BTRC: variants seen among roughly 807,000 people sequenced by gnomAD.
The protein encoded by BTRC is F-box/WD repeat-containing protein 1A.
A neutral mutation model predicts 85.5 loss-of-function variants in BTRC; 42 were observed. The observed-to-expected ratio is 0.49, with a 90% confidence interval of 0.38 to 0.64. The LOEUF (loss-of-function observed/expected upper bound fraction) is 0.64. Ranked by LOEUF, BTRC falls within the 30% of genes least tolerant of loss-of-function variation. The pLI is 0.00. For missense variants in BTRC, 594 were observed against 743.5 expected (o/e 0.80, Z 2.34); for synonymous variants, 255 against 263.3 (o/e 0.97, Z 0.30).
At chr10:101,455,840 T>C (rs1449269235) in intron 2 of BTRC, among the ~76,000 whole-genome samples, 1 of 152,156 alleles carries the variant, frequency 6.6e-6, no homozygotes, top group African/African-American at 2.4e-5. Flanking sequence ...AAGTAACCTT[T>C]TTAGAATGAT....
At chr10:101,377,904 G>A (rs1189446472) in intron 1 of BTRC, among the ~76,000 whole-genome samples, 2 of 151,706 alleles carry the variant, frequency 1.3e-5, no homozygotes, top group Non-Finnish European at 1.5e-5. Flanking sequence ...CCTTTGGTGT[G>A]TAGAACACTT....
In BTRC at chr10:101,536,623, A is replaced by G. The variant is rs756802578; in HGVS notation, c.1547A>G (p.Asn516Ser). The G allele has an allele frequency of 1.2e-6, 2 of 1,613,694 alleles. No individual in the cohort carries two copies. The highest frequency in any genetic ancestry group is 1.7e-6 in the Non-Finnish European group (2 of 1,179,620). Reference sequence around the variant, plus strand: ...TTGGTGCGTTGTATTCGATTTGATAACAAGAGGATAGTCAGTGGGGCCTAT... The same window carrying G: ...TTGGTGCGTTGTATTCGATTTGATAGCAAGAGGATAGTCAGTGGGGCCTAT... ...EELVRCIRFD[N>S]KRIVSGAYDG... Residue 516 changes from asparagine (N) to serine (S), a missense_variant, in exon 12 of 15, where the codon AAC (asparagine) becomes AGC (serine). Physicochemically the swap from Asn to Ser is conservative, Grantham distance 46. This residue lies in a region of BTRC where 373 missense variants were observed against 503.6 expected (regional missense o/e 0.74). Transcript: ENST00000370187.
chr10:101,422,702 C>A (rs1395241248), intron 1 of BTRC, among the ~76,000 whole-genome samples: 3 of 152,114 alleles, frequency 2.0e-5, no homozygotes, highest in African/African-American at 7.2e-5. Context: ...GCCAGTTTTC[C>A]CAGCACCATT....
chr10:101,380,972 G>A (rs914138252), intron 1 of BTRC, among the ~76,000 whole-genome samples: 1 of 152,086 alleles, frequency 6.6e-6, no homozygotes, highest in African/African-American at 2.4e-5. Flanking sequence ...TAACACAATG[G>A]TATTTGTATA....
Position 101,468,499 on chromosome 10 carries a change from C to T in BTRC, c.234+6441C>T, listed in dbSNP as rs1156250843. On this transcript the variant is annotated intron_variant, in intron 3 of 14. Coordinates refer to ENST00000370187, the MANE Select transcript of BTRC (RefSeq NM_033637.4). The stretch of plus-strand genomic sequence containing the variant: ...CGGAATGATAGCAGATGCAGCTTTG[C>T]ATCTATTGAACAAGATTCAGTAGCA... Among the ~76,000 whole-genome samples, 28 of 152,084 alleles carry T rather than the reference C, an allele frequency of 1.8e-4. 1 individual carries two copies. The highest frequency in any genetic ancestry group is 1.5e-5 in the Non-Finnish European group (1 of 68,018).
intron 2 of BTRC, among the ~76,000 whole-genome samples, chr10:101,437,257 T>A (rs1944556027): frequency 6.6e-6 from 1 of 152,192 alleles, no homozygotes; most frequent in African/African-American, 2.4e-5. Flanking sequence ...GTTCTCCTAA[T>A]AAAATGAATT....
intron 2 of BTRC, among the ~76,000 whole-genome samples, chr10:101,430,686 C>T (rs1262163568): frequency 6.6e-6 from 1 of 152,194 alleles, no homozygotes; most frequent in Non-Finnish European, 1.5e-5. Context: ...CATAGTACAG[C>T]TTGACTGTTG....
chr10:101,537,741 C>A (rs1225267746), intron 12 of BTRC, among the ~76,000 whole-genome samples: 1 of 152,192 alleles, frequency 6.6e-6, no homozygotes, highest in African/African-American at 2.4e-5. Flanking sequence ...ATCACTGTTA[C>A]AACCTTGGGA....
chr10:101,490,512 T>G (rs1946103277), intron 4 of BTRC, among the ~76,000 whole-genome samples: 1 of 152,204 alleles, frequency 6.6e-6, no homozygotes, highest in South Asian at 2.1e-4. Context: ...AGAGTCAAGT[T>G]TTGAACTAAG....
At chr10:101,476,789 A>G (rs909962717) in intron 3 of BTRC, among the ~76,000 whole-genome samples, 1 of 152,150 alleles carries the variant, frequency 6.6e-6, no homozygotes, top group African/African-American at 2.4e-5. Flanking sequence ...TTATCTCAAA[A>G]TGTTAAAAAA....
intron 3 of BTRC, among the ~76,000 whole-genome samples, chr10:101,462,904 G>C (rs1945266745): frequency 6.6e-6 from 1 of 151,622 alleles, no homozygotes; most frequent in Non-Finnish European, 1.5e-5. Flanking sequence ...GCCTCACTCT[G>C]TCGCCCAGGC....
intron 4 of BTRC, among the ~76,000 whole-genome samples, chr10:101,494,830 C>T (rs1451468662): frequency 1.3e-5 from 2 of 152,160 alleles, no homozygotes; most frequent in Non-Finnish European, 2.9e-5. Context: ...CAGAGGATTA[C>T]AGCATCACAT....
At chr10:101,476,571 A>G (rs967520709) in intron 3 of BTRC, among the ~76,000 whole-genome samples, 1 of 151,870 alleles carries the variant, frequency 6.6e-6, no homozygotes. Context: ...TCCAGGGCTC[A>G]GTCAGTCCTC....
chr10:101,522,208 T>C (rs1217607881), intron 5 of BTRC, among the ~76,000 whole-genome samples: 1 of 146,728 alleles, frequency 6.8e-6, no homozygotes, highest in East Asian at 2.0e-4. Flanking sequence ...ACTGGGCTAA[T>C]TTTTTGTATT....
rs376377684 is a variant in BTRC, at chr10:101,356,199, A to C, written c.48+1971A>C. On this transcript the variant is annotated intron_variant, in intron 1 of 14. Coordinates refer to ENST00000370187, the MANE Select transcript of BTRC (RefSeq NM_033637.4). The stretch of plus-strand genomic sequence containing the variant: ...TTATTTTTAGTAGAGTCGGGGTTTC[A>C]CTATGTTGGCCAGGATGGTCTCATC... Among the ~76,000 whole-genome samples the C allele has an allele frequency of 5.3e-5, 8 of 152,194 alleles. No individual in the cohort carries two copies. In the East Asian group the frequency reaches 7.7e-4, roughly 15 times the overall value.
chr10:101,460,715 C>CA (rs1320947262), intron 2 of BTRC, among the ~76,000 whole-genome samples: 1 of 151,896 alleles, frequency 6.6e-6, no homozygotes. Context: ...TAATAGAAAC[C>CA]AAAAAAGTGA....
chr10:101,540,741 C>T (rs920774452), intron 13 of BTRC, among the ~76,000 whole-genome samples: 1 of 152,266 alleles, frequency 6.6e-6, no homozygotes, highest in South Asian at 2.1e-4. Flanking sequence ...AAATAGTACT[C>T]CTACCTCAGA....
At chr10:101,363,993 G>A (rs1330034389) in intron 1 of BTRC, among the ~76,000 whole-genome samples, 4 of 152,134 alleles carry the variant, frequency 2.6e-5, no homozygotes, top group Non-Finnish European at 5.9e-5. Flanking sequence ...TTGCTGGGTA[G>A]TGGATGATCT....
intron 4 of BTRC, among the ~76,000 whole-genome samples, chr10:101,518,821 C>T (rs2062059874): frequency 1.3e-5 from 2 of 150,410 alleles, no homozygotes; most frequent in South Asian, 4.2e-4. Flanking sequence ...TAAAATGTCA[C>T]CTTTTTCAGG....
Sources: allele counts gnomAD v4.1 joint callset (sites outside exome capture counted in the v4.1 genomes callset), GRCh38; gene constraint gnomAD v4.1.1; regional missense constraint gnomAD v4.1.1; transcripts MANE v1.5; gene names NCBI Gene and HGNC (gene_info 2026-07-23, HGNC 2026-07-21).